The following RFX2 variants were observed in gnomAD, a reference collection of about 807,000 sequenced individuals.
The protein encoded by RFX2 is regulatory factor X2.
In RFX2, 20 loss-of-function variants were observed where a neutral mutation model predicts 87.8. The ratio of observed to expected loss-of-function variants is 0.23; its 90% CI spans 0.16 to 0.33. RFX2 has a LOEUF of 0.33. RFX2 is among the 10% of genes least tolerant of loss of function. The pLI is 1.00. For synonymous variants in RFX2, 397 were observed against 431.3 expected (o/e 0.92, Z 0.98); for missense variants, 767 against 1,012.3 (o/e 0.76, Z 3.29).
At chr19:6,032,648 C>A (rs1431458759) in intron 5 of RFX2, among the ~76,000 whole-genome samples, 1 of 152,224 alleles carries the variant, frequency 6.6e-6, no homozygotes, top group Non-Finnish European at 1.5e-5. Context: ...GAGCCCCCAC[C>A]AATATCTCTG....
At chr19:6,008,789 T>C (rs573805061) in intron 9 of RFX2, among the ~76,000 whole-genome samples, 3 of 151,674 alleles carry the variant, frequency 2.0e-5, no homozygotes, top group Non-Finnish European at 2.9e-5. Context: ...GTGATTCTCC[T>C]GTCTCAGCCT....
At chr19:6,042,522 T>C (rs1355906145) in intron 3 of RFX2, among the ~76,000 whole-genome samples, 1 of 152,008 alleles carries the variant, frequency 6.6e-6, no homozygotes, top group Non-Finnish European at 1.5e-5. Flanking sequence ...TGTTTGTTTG[T>C]TTTTTTGCGA....
At position 6,021,294 on chromosome 19, in the gene RFX2, G is replaced by A. The variant is rs117176029; in HGVS notation, c.597+4869C>T. Among the ~76,000 whole-genome samples the A allele has an allele frequency of 4.5e-3, 692 of 152,304 alleles. 4 individuals are homozygous for A. The highest frequency in any genetic ancestry group is 7.0e-3 in the Non-Finnish European group (474 of 68,018). On this transcript the variant is annotated intron_variant, in intron 6 of 17. Coordinates refer to ENST00000303657, the MANE Select transcript of RFX2 (RefSeq NM_000635.4). This position sits in a 1 kb window ranked among gnomAD's most constrained non-coding sequence, Gnocchi z 5.7. ...GAGAGCTGGCTCTATGCCAGGCCTT[G>A]TTTAGGTGCTGGGGATGCAACGGCG...
Position 6,022,583 on chromosome 19 carries a change from G to GC in RFX2, c.597+3579dup, listed in dbSNP as rs1311108163. 5.3e-5 allele frequency among the ~76,000 whole-genome samples: 8 copies of GC among 151,944 alleles called. No individual in the cohort carries two copies. The highest frequency in any genetic ancestry group is 1.9e-4 in the African/African-American group (8 of 41,458). On this transcript the variant is annotated intron_variant, in intron 6 of 17. Coordinates refer to ENST00000303657, the MANE Select transcript of RFX2 (RefSeq NM_000635.4). The surrounding 1 kb of genome is among the most constrained non-coding windows in gnomAD (Gnocchi z 6.2). ...GCCGCCTCTTCTGCTCAAGTCGGTG[G>GC]CCTGCCACACCCGGTCGGGTGAAGA... is the stretch of plus-strand genomic sequence containing the variant.
chr19:6,042,377 T>C (rs2087123393), intron 3 of RFX2, among the ~76,000 whole-genome samples: 1 of 152,180 alleles, frequency 6.6e-6, no homozygotes, highest in African/African-American at 2.4e-5. Context: ...CTGTGCGCCC[T>C]GGCTCCTCTG....
intron 12 of RFX2, among the ~76,000 whole-genome samples, chr19:6,005,861 T>C (rs2086572681): frequency 1.3e-5 from 2 of 152,296 alleles, no homozygotes; most frequent in East Asian, 3.9e-4. Context: ...TAAGGGAGGC[T>C]GGAGGAAGGT....
rs77517239 is a variant in RFX2, at chr19:6,083,990, A to C, written c.-9+26403T>G. Reference sequence around the variant, plus strand: ...ATACAGGAGATGAGCACACGTGTCCAGGGCACCCCAGACCTCTTGGGCAGG... The same window carrying C: ...ATACAGGAGATGAGCACACGTGTCCCGGGCACCCCAGACCTCTTGGGCAGG... On this transcript the variant is annotated intron_variant, in intron 1 of 17. Transcript: ENST00000303657. This position sits in a 1 kb window ranked among gnomAD's most constrained non-coding sequence, Gnocchi z 4.6. Among the ~76,000 whole-genome samples, 9,320 of 152,148 alleles carry C rather than the reference A, an allele frequency of 0.061. 869 individuals carry two copies. Among genetic ancestry groups the C allele is most frequent in the African/African-American group, 0.2 (8,274 of 41,464 alleles).
intron 3 of RFX2, among the ~76,000 whole-genome samples, chr19:6,042,364 T>C (rs2087122950): frequency 6.6e-6 from 1 of 152,220 alleles, no homozygotes; most frequent in Non-Finnish European, 1.5e-5. Context: ...TCTGCTAGCG[T>C]GTCTGTGCGC....
chr19:6,108,222 G>T (rs1301210190), intron 1 of RFX2, among the ~76,000 whole-genome samples: 1 of 152,148 alleles, frequency 6.6e-6, no homozygotes, highest in Non-Finnish European at 1.5e-5. Context: ...AGTAATTCAA[G>T]AACTTAAATT....
chr19:6,096,547 T>C (rs141976291), intron 1 of RFX2, among the ~76,000 whole-genome samples: 3,454 of 152,110 alleles, frequency 0.023, 138 homozygotes, highest in African/African-American at 0.079. Flanking sequence ...CCCGGGTTCA[T>C]GCCATTCTCC....
rs2086835686 is a variant in RFX2 at position 6,022,857 on chromosome 19, G to C, written c.597+3306C>G. Among the ~76,000 whole-genome samples, 1 of 152,222 alleles carries C rather than the reference G, an allele frequency of 6.6e-6. No individual in the cohort carries two copies. The highest frequency in any genetic ancestry group is 6.5e-5 in the Admixed American group (1 of 15,292). On this transcript the variant is annotated intron_variant, in intron 6 of 17. Coordinates refer to ENST00000303657, the MANE Select transcript of RFX2 (RefSeq NM_000635.4). This position sits in a 1 kb window ranked among gnomAD's most constrained non-coding sequence, Gnocchi z 6.2. ...AGGCCTGGGAAGCTCCTGTTGACCGGCTGGGTCTGGACAATGCTGTCTCGT... is the reference window on the plus strand; with the variant it reads ...AGGCCTGGGAAGCTCCTGTTGACCGCCTGGGTCTGGACAATGCTGTCTCGT...
chr19:6,075,687 C>T (rs537249499), intron 1 of RFX2, among the ~76,000 whole-genome samples: 1 of 152,292 alleles, frequency 6.6e-6, no homozygotes, highest in South Asian at 2.1e-4. Context: ...GAGGTCGAAT[C>T]AGGCACCCAG....
rs2086506997 is a variant in RFX2, at chr19:6,002,624, AG to A, written c.1650+96del. The A allele has an allele frequency of 6.8e-7, 1 of 1,467,592 alleles. No individual in the cohort carries two copies. Among genetic ancestry groups the A allele is most frequent in the African/African-American group, 1.4e-5 (1 of 72,062 alleles). The allele number at this position is 1,467,592 out of a possible 1,614,324, so 90.9% of individuals were successfully genotyped here. A position where few individuals can be genotyped will look rare whatever the true frequency, so the allele number is the denominator to read the frequency against. On this transcript the variant is annotated intron_variant, in intron 14 of 17. Transcript: ENST00000303657. The surrounding 1 kb of genome is among the most constrained non-coding windows in gnomAD (Gnocchi z 6.7). ...ACAGAACCGTGGCCAGGCTCGGGGCAGGGGCCAGGTTGTGCCACGGGCTCCA... is the reference window on the plus strand; with the variant it reads ...ACAGAACCGTGGCCAGGCTCGGGGCAGGGCCAGGTTGTGCCACGGGCTCCA...
At position 6,023,625 on chromosome 19, in the gene RFX2, A is replaced by G. The variant is rs997226754; in HGVS notation, c.597+2538T>C. ...ACAACTCAACAGCGAATCATCAGTG[A>G]GTAAAAGAAACGAGAGATTTTACCT... is the stretch of plus-strand genomic sequence containing the variant. On this transcript the variant is annotated intron_variant, in intron 6 of 17. Transcript: ENST00000303657. This position sits in a 1 kb window ranked among gnomAD's most constrained non-coding sequence, Gnocchi z 4.9. Among the ~76,000 whole-genome samples, 3 of 152,184 alleles carry G rather than the reference A, an allele frequency of 2.0e-5. No homozygotes were observed. The highest frequency in any genetic ancestry group is 7.2e-5 in the African/African-American group (3 of 41,426).
At position 5,998,082 on chromosome 19, in the gene RFX2, C is replaced by T. The variant is rs1183019447; in HGVS notation, c.1860-869G>A. 1.3e-5 allele frequency among the ~76,000 whole-genome samples: 2 copies of T among 152,052 alleles called. No homozygotes were observed. The highest frequency in any genetic ancestry group is 3.9e-4 in the East Asian group (2 of 5,164). On this transcript the variant is annotated intron_variant, in intron 15 of 17. Coordinates refer to ENST00000303657, the MANE Select transcript of RFX2 (RefSeq NM_000635.4). The surrounding 1 kb of genome is among the most constrained non-coding windows in gnomAD (Gnocchi z 4.2). ...CAGCACTTTGGGAGGCCAGGGCGGGCAGATCACTTGGGGTCAGGAGTTCTA... is the reference window on the plus strand; with the variant it reads ...CAGCACTTTGGGAGGCCAGGGCGGGTAGATCACTTGGGGTCAGGAGTTCTA...
chr19:6,060,080 G>T (rs1169855108), intron 1 of RFX2, among the ~76,000 whole-genome samples: 1 of 151,726 alleles, frequency 6.6e-6, no homozygotes, highest in African/African-American at 2.4e-5. Flanking sequence ...CAACTCTTTT[G>T]TCCCCCTTTT....
Position 6,062,882 on chromosome 19 carries a change from A to G in RFX2, c.-8-15378T>C, listed in dbSNP as rs528689037. ...AAGCAGTTCCCTGTGCGTTTAAAGCAGTGGGTTTTTCAGAATGTAAAGATC... is the reference window on the plus strand; with the variant it reads ...AAGCAGTTCCCTGTGCGTTTAAAGCGGTGGGTTTTTCAGAATGTAAAGATC... On this transcript the variant is annotated intron_variant, in intron 1 of 17. Coordinates refer to ENST00000303657, the MANE Select transcript of RFX2 (RefSeq NM_000635.4). 3.2e-4 allele frequency among the ~76,000 whole-genome samples: 48 copies of G among 152,300 alleles called. 1 individual carries two copies. Among genetic ancestry groups the G allele is most frequent in the African/African-American group, 1.1e-3 (45 of 41,560 alleles).
intron 1 of RFX2, among the ~76,000 whole-genome samples, chr19:6,108,151 A>G (rs2088249734): frequency 6.6e-6 from 1 of 152,218 alleles, no homozygotes; most frequent in Admixed American, 6.5e-5. Flanking sequence ...CAGAACAGTG[A>G]TCTTTCCCAT....
At chr19:6,003,423 A>G (rs1247367436) in intron 13 of RFX2, among the ~76,000 whole-genome samples, 2 of 152,062 alleles carry the variant, frequency 1.3e-5, no homozygotes, top group South Asian at 2.1e-4. Context: ...TAACAGATCA[A>G]TTCCGAAGAG....
Sources: allele counts gnomAD v4.1 joint callset (sites outside exome capture counted in the v4.1 genomes callset), GRCh38; gene constraint gnomAD v4.1.1; non-coding constraint Gnocchi (gnomAD v3.1); transcripts MANE v1.5; gene names NCBI Gene and HGNC (gene_info 2026-07-23, HGNC 2026-07-21).